SYNPR: variants seen among roughly 807,000 people sequenced by gnomAD.
The protein encoded by SYNPR is synaptoporin.
SYNPR carries 23 observed loss-of-function variants against 32.9 expected under a neutral mutation model. The observed-to-expected ratio is 0.70, with a 90% confidence interval of 0.50 to 0.99. SYNPR has a LOEUF of 0.99. SYNPR is among the 50% of genes least tolerant of loss of function. The pLI, the probability that SYNPR is intolerant of heterozygous loss-of-function variation, is 0.00. For missense variants in SYNPR, 318 were observed against 349.3 expected (o/e 0.91, Z 0.71); for synonymous variants, 146 against 135.9 (o/e 1.07, Z -0.52).
intron 3 of SYNPR, among the ~76,000 whole-genome samples, chr3:63,481,569 T>C (rs1272038570): frequency 6.6e-6 from 1 of 152,106 alleles, no homozygotes. Context: ...ACCAATATTC[T>C]TAATAGTTTT....
chr3:63,266,521 G>T (rs1315900411), intron 2 of SYNPR, among the ~76,000 whole-genome samples: 1 of 151,736 alleles, frequency 6.6e-6, no homozygotes, highest in African/African-American at 2.4e-5. Flanking sequence ...TGACCAACAT[G>T]GTGAAACCGC....
At chr3:63,262,526 T>G (rs1319220206) in intron 2 of SYNPR, among the ~76,000 whole-genome samples, 1 of 152,140 alleles carries the variant, frequency 6.6e-6, no homozygotes, top group Non-Finnish European at 1.5e-5. Flanking sequence ...TCCAGGACAC[T>G]GATGGTGAGA....
At chr3:63,426,296 T>C (rs1209133243) in intron 2 of SYNPR, among the ~76,000 whole-genome samples, 1 of 152,176 alleles carries the variant, frequency 6.6e-6, no homozygotes, top group Non-Finnish European at 1.5e-5. Flanking sequence ...TTTCACTAAT[T>C]AGGCACATGA....
chr3:63,286,626 T>C (rs779759981), intron 2 of SYNPR, among the ~76,000 whole-genome samples: 1 of 152,202 alleles, frequency 6.6e-6, no homozygotes, highest in Non-Finnish European at 1.5e-5. Context: ...AGAAGAAAAG[T>C]AGAAAATCTC....
chr3:63,600,614 G>A (rs1874386), intron 4 of SYNPR, among the ~76,000 whole-genome samples: 1 of 151,920 alleles, frequency 6.6e-6, no homozygotes. Flanking sequence ...TGGATCATGG[G>A]GGCAGTTTCT....
chr3:63,460,312 C>T (rs1700558409), intron 2 of SYNPR, among the ~76,000 whole-genome samples: 1 of 152,018 alleles, frequency 6.6e-6, no homozygotes, highest in South Asian at 2.1e-4. Flanking sequence ...ATCCATCCTC[C>T]CACAGAGTCT....
At chr3:63,606,013 G>C (rs1700113634) in intron 4 of SYNPR, among the ~76,000 whole-genome samples, 1 of 152,142 alleles carries the variant, frequency 6.6e-6, no homozygotes, top group African/African-American at 2.4e-5. Context: ...CTATTTACCA[G>C]GCATTGTGCT....
intron 3 of SYNPR, among the ~76,000 whole-genome samples, chr3:63,498,233 A>G (rs1159509807): frequency 6.6e-6 from 1 of 152,122 alleles, no homozygotes; most frequent in African/African-American, 2.4e-5. Flanking sequence ...GGTGGGCACT[A>G]ATTTATCAGC....
intron 2 of SYNPR, among the ~76,000 whole-genome samples, chr3:63,301,528 C>T (rs2086857508): frequency 1.3e-5 from 2 of 152,046 alleles, no homozygotes; most frequent in African/African-American, 4.8e-5. Context: ...TTGATGTCTA[C>T]ATCAACATTC....
rs528960885 is a variant in SYNPR at position 63,433,620 on chromosome 3, C to T, written c.85-47212C>T. 7.9e-5 allele frequency among the ~76,000 whole-genome samples: 12 copies of T among 152,272 alleles called. No individual in the cohort carries two copies. The East Asian group carries it at 1.9e-3, about 25-fold the overall frequency. On this transcript the variant is annotated intron_variant, in intron 2 of 5. Transcript: ENST00000478300. ...CACGCTTCGGTTCTCAAAGTACTTT[C>T]GCATGAGCTGCTTCGTGGTGGCTTC... is the stretch of plus-strand genomic sequence containing the variant.
intron 3 of SYNPR, among the ~76,000 whole-genome samples, chr3:63,552,200 A>G (rs1702515762): frequency 6.6e-6 from 1 of 152,112 alleles, no homozygotes; most frequent in South Asian, 2.1e-4. Context: ...ACCCGGCCGC[A>G]TCTGGCTATT....
At chr3:63,568,266 G>T (rs889315775) in intron 4 of SYNPR, among the ~76,000 whole-genome samples, 2 of 152,164 alleles carry the variant, frequency 1.3e-5, no homozygotes, top group African/African-American at 2.4e-5. Flanking sequence ...ATTTACAGAG[G>T]TTAAGTAATT....
chr3:63,427,031 C>T (rs1699905113), intron 2 of SYNPR, among the ~76,000 whole-genome samples: 1 of 151,842 alleles, frequency 6.6e-6, no homozygotes, highest in African/African-American at 2.4e-5. Context: ...TGCATTTCTT[C>T]AAGAAATGAC....
intron 2 of SYNPR, among the ~76,000 whole-genome samples, chr3:63,436,826 C>T (rs564765979): frequency 1.3e-5 from 2 of 151,818 alleles, no homozygotes; most frequent in South Asian, 2.1e-4. Context: ...GATATTCCAG[C>T]GGGGGAAGAC....
At position 63,609,301 on chromosome 3, in the gene SYNPR, C is replaced by T. The variant is rs745911983; in HGVS notation, c.585C>T (p.Ser195=). ...CTATCCACAGCCCTGTTATGTCAAG[C>T]TTAAACACTTCTGTGGTAAGTATTT... The part of the protein sequence containing the change: ...CMAIHSPVMS[S]LNTSVVFGFL... Residue 195 remains serine, a synonymous_variant, in exon 5 of 6, where the codon AGC becomes AGT. Coordinates refer to ENST00000478300, the MANE Select transcript of SYNPR (RefSeq NM_001130003.2). 1.9e-6 allele frequency: 3 copies of T among 1,582,290 alleles called. No individual in the cohort carries two copies. Among genetic ancestry groups the T allele is most frequent in the South Asian group, 1.2e-5 (1 of 85,540 alleles).
exon 1 of SYNPR, chr3:63,228,348 G>T (rs534116392): frequency 6.6e-6 from 1 of 152,288 alleles, no homozygotes; most frequent in Admixed American, 6.5e-5. Context: ...AAGGAAGCTA[G>T]TCTAAATGAT....
At chr3:63,575,312 G>A (rs1215574967) in intron 4 of SYNPR, among the ~76,000 whole-genome samples, 3 of 152,024 alleles carry the variant, frequency 2.0e-5, no homozygotes, top group Non-Finnish European at 4.4e-5. Context: ...TTTCTCCTCT[G>A]CTTCTTGAAC....
chr3:63,238,548 AAC>A (rs1416191947), intron 1 of SYNPR, among the ~76,000 whole-genome samples: 1 of 152,124 alleles, frequency 6.6e-6, no homozygotes, highest in Non-Finnish European at 1.5e-5. Context: ...GGAATGCAGA[AAC>A]ACAGAACAGG....
chr3:63,241,977 A>T (rs1168645763), intron 1 of SYNPR, among the ~76,000 whole-genome samples: 5 of 152,054 alleles, frequency 3.3e-5, no homozygotes, highest in Non-Finnish European at 7.4e-5. Context: ...CCCCTTTCAC[A>T]TGTTTCAGAA....
Sources: allele counts gnomAD v4.1 joint callset (sites outside exome capture counted in the v4.1 genomes callset), GRCh38; gene constraint gnomAD v4.1.1; transcripts MANE v1.5; gene names NCBI Gene and HGNC (gene_info 2026-07-23, HGNC 2026-07-21).